The following TGFA variants were observed in gnomAD, a reference collection of about 807,000 sequenced individuals.
TGFA encodes the protein protransforming growth factor alpha.
In TGFA, 12 loss-of-function variants were observed where a neutral mutation model predicts 21.7. The observed-to-expected ratio is 0.55, with a 90% CI of 0.35 to 0.90. TGFA has a LOEUF of 0.90. TGFA is among the 40% of genes least tolerant of loss of function. TGFA has a pLI of 0.01. For synonymous variants in TGFA, 79 were observed against 88.1 expected (o/e 0.90, Z 0.58); for missense variants, 178 against 210.8 (o/e 0.84, Z 0.96).
At chr2:70,472,375 G>A (rs111321692) in intron 2 of TGFA, among the ~76,000 whole-genome samples, 38 of 152,276 alleles carry the variant, frequency 2.5e-4, no homozygotes, top group Middle Eastern at 3.4e-3. Context: ...CTCAGTTCCT[G>A]TTGCCATGAA....
intron 4 of TGFA, among the ~76,000 whole-genome samples, chr2:70,454,179 A>G (rs1402918655): frequency 6.6e-6 from 1 of 152,152 alleles, no homozygotes; most frequent in Non-Finnish European, 1.5e-5. Flanking sequence ...GAGTTAGGAG[A>G]AATTTCCTAA....
intron 1 of TGFA, among the ~76,000 whole-genome samples, chr2:70,548,467 T>C (rs1305945111): frequency 2.0e-5 from 3 of 152,230 alleles, no homozygotes; most frequent in Non-Finnish European, 2.9e-5. Context: ...GCCTGGTTGT[T>C]ACCTAAAGGG....
intron 2 of TGFA, among the ~76,000 whole-genome samples, chr2:70,502,810 A>G (rs951103153): frequency 9.9e-5 from 15 of 152,234 alleles, no homozygotes; most frequent in Admixed American, 9.8e-4. Context: ...AATGAAAAGA[A>G]TTATAACAAA....
intron 2 of TGFA, among the ~76,000 whole-genome samples, chr2:70,503,422 T>G: frequency 1.3e-5 from 1 of 75,304 alleles, no homozygotes. Flanking sequence ...CGGGGCCTGT[T>G]GTGAGGTGGG....
At chr2:70,467,692 G>A (rs1670612279) in intron 2 of TGFA, 1 of 152,118 alleles carries the variant, frequency 6.6e-6, no homozygotes, top group South Asian at 2.1e-4. Context: ...TGGAGCTCTT[G>A]CTCTCTGAGA....
chr2:70,495,711 T>G (rs1553498246), intron 2 of TGFA, among the ~76,000 whole-genome samples: 1 of 152,222 alleles, frequency 6.6e-6, no homozygotes, highest in Non-Finnish European at 1.5e-5. Context: ...TTATTGTTAT[T>G]TGAGGGAGAT....
chr2:70,510,714 G>A (rs1436939155), intron 2 of TGFA, among the ~76,000 whole-genome samples: 2 of 152,164 alleles, frequency 1.3e-5, no homozygotes, highest in African/African-American at 2.4e-5. Flanking sequence ...TTCCTATGAC[G>A]CTGGCATCAT....
At chr2:70,500,704 C>T (rs1384385571) in intron 2 of TGFA, among the ~76,000 whole-genome samples, 1 of 152,162 alleles carries the variant, frequency 6.6e-6, no homozygotes, top group Non-Finnish European at 1.5e-5. Context: ...TCCACTGTAT[C>T]CTAAATCAAA....
intron 1 of TGFA, among the ~76,000 whole-genome samples, chr2:70,537,221 C>T (rs1673000004): frequency 6.6e-6 from 1 of 152,068 alleles, no homozygotes; most frequent in Admixed American, 6.5e-5. Context: ...ATCAATGGAG[C>T]AGTCAGAACA....
At chr2:70,504,465 C>CATATAT (rs1559124076) in intron 2 of TGFA, among the ~76,000 whole-genome samples, 1 of 62,520 alleles carries the variant, frequency 1.6e-5, no homozygotes, top group Admixed American at 1.5e-4. Context: ...TATATATATA[C>CATATAT]ACACATACAT....
At chr2:70,451,806 TC>T (rs2103653200) in intron 5 of TGFA, 2 of 693,266 alleles carry the variant, frequency 2.9e-6, no homozygotes, top group East Asian at 2.7e-5. Context: ...CTGGTTCTCA[TC>T]CTCACTCCCC....
At chr2:70,501,752 C>T (rs1671745490) in intron 2 of TGFA, among the ~76,000 whole-genome samples, 1 of 152,228 alleles carries the variant, frequency 6.6e-6, no homozygotes, top group South Asian at 2.1e-4. Context: ...CCTGTACTCT[C>T]ACTTCAATTC....
intron 2 of TGFA, among the ~76,000 whole-genome samples, chr2:70,476,080 C>CAAAAA (rs1175233983): frequency 0.29 from 15,909 of 55,568 alleles, 2,814 homozygotes; most frequent in East Asian, 0.41. Context: ...TAATTTTAAG[C>CAAAAA]AAAAAAAAAA....
At chr2:70,500,739 G>T (rs1671714714) in intron 2 of TGFA, among the ~76,000 whole-genome samples, 1 of 152,156 alleles carries the variant, frequency 6.6e-6, no homozygotes, top group African/African-American at 2.4e-5. Context: ...TAGAAGAGCT[G>T]GCCCTGGGCA....
chr2:70,463,483 G>A (rs1317245677), intron 3 of TGFA, among the ~76,000 whole-genome samples: 1 of 152,102 alleles, frequency 6.6e-6, no homozygotes, highest in Non-Finnish European at 1.5e-5. Flanking sequence ...CTGAAGAGGG[G>A]GCTCTTCTGC....
intron 3 of TGFA, among the ~76,000 whole-genome samples, chr2:70,461,892 G>A (rs1246595428): frequency 1.3e-5 from 2 of 152,204 alleles, no homozygotes; most frequent in African/African-American, 4.8e-5. Flanking sequence ...ACCTTTGGCA[G>A]TCTGTGACTA....
rs544933172 is a variant in TGFA, at chr2:70,450,011, T to C, written c.*848A>G. ...GCATTTACCGGCTTTGTGGCTTCAA[T>C]GGCACCATTTCTGAACCCCTACCTT... On this transcript the variant is annotated 3_prime_UTR_variant, in exon 6 of 6. Coordinates refer to ENST00000295400, the MANE Select transcript of TGFA (RefSeq NM_003236.4). 6.6e-6 allele frequency: 1 copy of C among 152,396 alleles called. No individual in the cohort carries two copies. The highest frequency in any genetic ancestry group is 1.9e-4 in the East Asian group (1 of 5,188). 9.4% of individuals were successfully genotyped at this position (152,396 alleles called of 1,614,324 possible).
intron 2 of TGFA, among the ~76,000 whole-genome samples, chr2:70,510,736 A>G (rs1672072104): frequency 6.6e-6 from 1 of 152,154 alleles, no homozygotes; most frequent in African/African-American, 2.4e-5. Context: ...TGCCCTTTAT[A>G]TTTGGGGATC....
rs375818422 is a variant in TGFA, at chr2:70,539,813, T to C, written c.40+13915A>G. On this transcript the variant is annotated intron_variant, in intron 1 of 5. Transcript: ENST00000295400. ...TAACACATCTAAGTTTGTTTTAATA[T>C]AGAAAACAATGTTATGACTTGCCAC... 5.9e-5 allele frequency among the ~76,000 whole-genome samples: 9 copies of C among 152,216 alleles called. No individual in the cohort carries two copies. In the East Asian group the frequency reaches 7.7e-4, roughly 13 times the overall value.
Sources: gnomAD v4.1 joint callset for allele counts (sites outside exome capture counted in the v4.1 genomes callset) on GRCh38, gnomAD v4.1.1 for gene constraint, MANE v1.5 for transcripts, NCBI Gene and HGNC (gene_info 2026-07-23, HGNC 2026-07-21) for gene names.